NRG4: variants seen among roughly 807,000 people sequenced by gnomAD.
NRG4 encodes the protein neuregulin 4.
In NRG4, 10 loss-of-function variants were observed where a neutral mutation model predicts 15.0. The observed-to-expected ratio is 0.67, with a 90% CI of 0.41 to 1.13. NRG4 has a LOEUF of 1.13. Among genes scored for constraint, NRG4 ranks in the 50% most tolerant of loss-of-function variants. NRG4 has a pLI of 0.00. For synonymous variants in NRG4, 41 were observed against 50.1 expected, an observed-to-expected ratio of 0.82 and a Z score of 0.77; for missense variants, 139 against 140.2, an observed-to-expected ratio of 0.99 and a Z score of 0.04.
intron 4 of NRG4, among the ~76,000 whole-genome samples, chr15:75,959,351 T>G (rs2032402044): frequency 1.3e-5 from 2 of 152,166 alleles, no homozygotes; most frequent in South Asian, 4.1e-4. Context: ...TTATAAATCC[T>G]TTGGTCACTA....
chr15:76,005,377 G>A (rs1309966872), intron 3 of NRG4, among the ~76,000 whole-genome samples: 4 of 126,034 alleles, frequency 3.2e-5, no homozygotes, highest in Non-Finnish European at 6.7e-5. Flanking sequence ...GCAAGACTCC[G>A]TCTCTTAAAA....
chr15:75,938,418 T>C (rs898648784), downstream of NRG4: 1 of 151,974 alleles, frequency 6.6e-6, no homozygotes, highest in Non-Finnish European at 1.5e-5. Context: ...AGGAAAATAA[T>C]GCGCATTCAA....
downstream of NRG4, chr15:75,939,281 G>GAA (rs1362857603): frequency 6.6e-6 from 1 of 152,006 alleles, no homozygotes; most frequent in African/African-American, 2.4e-5. Flanking sequence ...CTAGAAAAAT[G>GAA]AAAAGGGTTA....
intron 2 of NRG4, among the ~76,000 whole-genome samples, chr15:76,053,701 G>A (rs2036079681): frequency 6.6e-6 from 1 of 150,446 alleles, no homozygotes. Context: ...GACTACCAGC[G>A]TATACTACGA....
chr15:76,051,486 GACTTAA>G (rs919358500), intron 4 of NRG4, among the ~76,000 whole-genome samples: 3 of 150,228 alleles, frequency 2.0e-5, no homozygotes, highest in Non-Finnish European at 2.9e-5. Flanking sequence ...ACAAAGACCA[GACTTAA>G]ACTTAACCAG....
At chr15:75,967,456 AT>A (rs71140189) in intron 3 of NRG4, among the ~76,000 whole-genome samples, 2,337 of 100,118 alleles carry the variant, frequency 0.023, 52 homozygotes, top group African/African-American at 0.078. Flanking sequence ...AAAATCTTAG[AT>A]TTTTTTTTTT....
intron 4 of NRG4, among the ~76,000 whole-genome samples, chr15:76,041,610 G>C (rs1168766679): frequency 6.6e-6 from 1 of 151,960 alleles, no homozygotes; most frequent in Non-Finnish European, 1.5e-5. Flanking sequence ...AATAATGAAG[G>C]GTTCAATTCA....
At chr15:76,038,126 A>G (rs1273151440) in intron 4 of NRG4, among the ~76,000 whole-genome samples, 1 of 152,236 alleles carries the variant, frequency 6.6e-6, no homozygotes, top group African/African-American at 2.4e-5. Context: ...GTAGTATGGC[A>G]TGGGCCTTGG....
At chr15:75,988,386 C>T (rs1393543032) in intron 3 of NRG4, among the ~76,000 whole-genome samples, 2 of 152,144 alleles carry the variant, frequency 1.3e-5, no homozygotes, top group Non-Finnish European at 2.9e-5. Context: ...AGGGTTTCAC[C>T]ATTTTGGTCA....
At chr15:76,057,625 A>AG in intron 1 of NRG4, among the ~76,000 whole-genome samples, 1 of 152,180 alleles carries the variant, frequency 6.6e-6, no homozygotes, top group East Asian at 1.9e-4. Context: ...AGACATCACC[A>AG]GGGGGCAGCA....
chr15:75,945,273 TA>T (rs111486727), intron 5 of NRG4, among the ~76,000 whole-genome samples: 135,412 of 142,532 alleles, frequency 0.95, 64,458 homozygotes, highest in East Asian at 0.99. Flanking sequence ...ATTTTTATTT[TA>T]TTTTTTTTGT....
intron 5 of NRG4, among the ~76,000 whole-genome samples, chr15:76,021,295 C>T (rs2035145018): frequency 6.6e-6 from 1 of 152,240 alleles, no homozygotes; most frequent in Non-Finnish European, 1.5e-5. Flanking sequence ...AACATTACAA[C>T]TCACTGAGGG....
chr15:75,980,268 G>C (rs531827556), intron 3 of NRG4, among the ~76,000 whole-genome samples: 10 of 152,200 alleles, frequency 6.6e-5, no homozygotes, highest in Non-Finnish European at 1.3e-4. Flanking sequence ...TTTCCAAAAT[G>C]TCTGGACTCC....
chr15:75,988,668 T>C (rs773707473), intron 3 of NRG4, among the ~76,000 whole-genome samples: 3 of 152,136 alleles, frequency 2.0e-5, no homozygotes, highest in Admixed American at 6.6e-5. Flanking sequence ...GTAAATGGCA[T>C]AAAATGGATG....
chr15:76,040,263 A>T (rs1261799431), intron 4 of NRG4, among the ~76,000 whole-genome samples: 1 of 152,190 alleles, frequency 6.6e-6, no homozygotes, highest in Non-Finnish European at 1.5e-5. Flanking sequence ...GAGTGGCATG[A>T]TTTATTTAAA....
At chr15:76,048,799 C>A (rs991346689) in intron 4 of NRG4, among the ~76,000 whole-genome samples, 5 of 150,706 alleles carry the variant, frequency 3.3e-5, no homozygotes, top group African/African-American at 7.4e-5. Context: ...AATCTCAGCA[C>A]TTTGGGAGGC....
chr15:75,972,081 T>A (rs1395310300), intron 3 of NRG4, among the ~76,000 whole-genome samples: 1 of 152,244 alleles, frequency 6.6e-6, no homozygotes, highest in Non-Finnish European at 1.5e-5. Flanking sequence ...TGAGATGGTA[T>A]CTCATTGTGG....
At chr15:76,015,671 C>T (rs756585826), upstream of NRG4, among the ~76,000 whole-genome samples, 1 of 152,194 alleles carries the variant, frequency 6.6e-6, no homozygotes, top group Non-Finnish European at 1.5e-5. Context: ...TATGTTGAAT[C>T]ATCCTTGCAT....
chr15:75,979,336 T>A (rs2033507402), intron 3 of NRG4, among the ~76,000 whole-genome samples: 1 of 152,224 alleles, frequency 6.6e-6, no homozygotes, highest in South Asian at 2.1e-4. Flanking sequence ...TCAGCAAAAC[T>A]CTTTATACTG....
Sources: gnomAD v4.1 joint callset for allele counts (sites outside exome capture counted in the v4.1 genomes callset) on GRCh38, gnomAD v4.1.1 for gene constraint, MANE v1.5 for transcripts, NCBI Gene and HGNC (gene_info 2026-07-23, HGNC 2026-07-21) for gene names.